The following ST13 variants were observed in gnomAD, a reference collection of about 807,000 sequenced individuals.
ST13 encodes ST13 Hsp70 interacting protein, also known as hsc70-interacting protein.
In ST13, 23 loss-of-function variants were observed where a neutral mutation model predicts 56.7. That is an observed-to-expected ratio of 0.41 (90% confidence interval 0.29 to 0.57). The LOEUF is 0.57. Among genes scored for constraint, ST13 ranks in the 20% least tolerant of loss-of-function variants. The pLI, the probability that ST13 is intolerant of heterozygous loss-of-function variation, is 0.36. For synonymous variants in ST13, 132 were observed against 142.4 expected (o/e 0.93, Z 0.52); for missense variants, 369 against 459.9 (o/e 0.80, Z 1.81).
chr22:40,825,079 A>C lies in ST13; in HGVS notation c.*1459T>G, dbSNP rs1201529401. ...ATTGAAACACTGGTAGAAACGTAGC[A>C]ATGTCAGGTACAATGCCTATACTTA... On this transcript the variant is annotated 3_prime_UTR_variant, in exon 12 of 12. Transcript: ENST00000216218. 1 of 152,166 alleles carries C rather than the reference A, an allele frequency of 6.6e-6. No homozygotes were observed. Among genetic ancestry groups the C allele is most frequent in the Non-Finnish European group, 1.5e-5 (1 of 68,034 alleles). 9.4% of individuals were successfully genotyped at this position (152,166 alleles called of 1,614,324 possible).
intron 4 of ST13, among the ~76,000 whole-genome samples, chr22:40,842,532 G>T (rs2057809429): frequency 6.6e-6 from 1 of 152,150 alleles, no homozygotes; most frequent in Non-Finnish European, 1.5e-5. Flanking sequence ...CAATGGAACA[G>T]ACAAAGCATA....
intron 1 of ST13, among the ~76,000 whole-genome samples, chr22:40,851,513 A>C (rs1471222377): frequency 1.3e-5 from 2 of 152,192 alleles, no homozygotes; most frequent in Non-Finnish European, 2.9e-5. Context: ...TAAGCAAATA[A>C]CTAGAAGAGA....
intron 3 of ST13, 73 bp from the exon 4 acceptor site, chr22:40,844,982 A>T: frequency 1.0e-6 from 1 of 1,001,340 alleles, no homozygotes; most frequent in Non-Finnish European, 1.5e-6. Flanking sequence ...ATTATTAAAA[A>T]CTGACATACT....
At chr22:40,832,697 G>A (rs1237587668) in intron 7 of ST13, 26 bp from the exon 8 acceptor site, 1 of 1,542,690 alleles carries the variant, frequency 6.5e-7, no homozygotes, top group South Asian at 1.1e-5. Context: ...ACTCATTTTA[G>A]GAGCCTTTTA....
At chr22:40,832,449 A>C in intron 8 of ST13, 120 bp downstream of exon 8, 1 of 712,716 alleles carries the variant, frequency 1.4e-6, no homozygotes, top group East Asian at 2.7e-5. Context: ...ATTACAGATT[A>C]TATCTTCCAA....
intron 5 of ST13, 21 bp downstream of exon 5, chr22:40,840,605 T>C: frequency 1.2e-6 from 2 of 1,602,024 alleles, no homozygotes; most frequent in Non-Finnish European, 1.7e-6. Flanking sequence ...ACCATAGAAA[T>C]GTAGCAAAAA....
intron 8 of ST13, chr22:40,832,233 C>G (rs1485926202): frequency 2.1e-6 from 1 of 476,540 alleles, no homozygotes; most frequent in East Asian, 6.7e-5. Context: ...TAAATAAGGA[C>G]ACATCAGATT....
chr22:40,827,215 C>T lies in ST13; in HGVS notation c.862G>A (p.Gly288Arg), dbSNP rs1469013929. 1.2e-6 allele frequency: 2 copies of T among 1,613,640 alleles called. No individual in the cohort carries two copies. The highest frequency in any genetic ancestry group is 1.1e-5 in the South Asian group (1 of 91,058). The change falls in exon 11 of 12, where the codon GGA becomes AGA. Residue 288 changes from glycine (G) to arginine (R), a missense_variant. Coordinates refer to ENST00000216218, the MANE Select transcript of ST13 (RefSeq NM_003932.5). ...CCTCCGGGAAAATTACCAGGCATTC[C>T]CCCAGGAAAGCCACCTGTAATAAAA... is the stretch of plus-strand genomic sequence containing the variant. ...YGSFPGGFPG[G>R]MPGNFPGGMP...
rs775618187 is a variant in ST13 at position 40,856,591 on chromosome 22, C to T, written c.-51G>A. ...GGGGGGCTACGGCCCGGTTCCAGGC[C>T]CAGGCGCTGGCTCGGCGTGACCGCG... is the stretch of plus-strand genomic sequence containing the variant. On this transcript the variant is annotated 5_prime_UTR_variant, in exon 1 of 12. Transcript: ENST00000216218. 6 of 1,515,044 alleles carry T rather than the reference C, an allele frequency of 4.0e-6. No homozygotes were observed. In the South Asian group the frequency reaches 5.6e-5, roughly 14 times the overall value. The allele number at this position is 1,515,044 out of a possible 1,614,324, so 93.9% of individuals were successfully genotyped here.
intron 7 of ST13, among the ~76,000 whole-genome samples, chr22:40,832,950 T>C (rs780050243): frequency 7.9e-5 from 12 of 152,242 alleles, no homozygotes; most frequent in Non-Finnish European, 1.8e-4. Context: ...ATTTTCTAAG[T>C]ATGTAGACCA....
chr22:40,830,324 T>C (rs901947001), intron 9 of ST13, among the ~76,000 whole-genome samples: 2 of 152,192 alleles, frequency 1.3e-5, no homozygotes, highest in African/African-American at 4.8e-5. Context: ...TCAATAATGT[T>C]AGAAATAAGT....
intron 3 of ST13, among the ~76,000 whole-genome samples, chr22:40,845,716 G>GTT (rs2057827433): frequency 6.7e-6 from 1 of 148,784 alleles, no homozygotes; most frequent in African/African-American, 2.6e-5. Context: ...TGGAAAACGA[G>GTT]TTTTATATAT....
chr22:40,853,481 T>G (rs1433400233), intron 1 of ST13, among the ~76,000 whole-genome samples: 2 of 152,228 alleles, frequency 1.3e-5, no homozygotes, highest in African/African-American at 4.8e-5. Flanking sequence ...CTTCCAAGGC[T>G]TAGAACAAGC....
chr22:40,847,442 G>C (rs1235429936), intron 3 of ST13, among the ~76,000 whole-genome samples: 29 of 151,646 alleles, frequency 1.9e-4, no homozygotes, highest in Non-Finnish European at 1.5e-5. Context: ...CCAGCTACTA[G>C]GGAGGCTGAG....
At position 40,856,625 on chromosome 22, in the gene ST13, G is replaced by C. The variant is rs1023446100; in HGVS notation, c.-85C>G. The C allele has an allele frequency of 7.5e-6, 8 of 1,073,068 alleles. No homozygotes were observed. Among genetic ancestry groups the C allele is most frequent in the Non-Finnish European group, 1.1e-5 (8 of 702,214 alleles). 66.5% of individuals were successfully genotyped at this position (1,073,068 alleles called of 1,614,324 possible). On this transcript the variant is annotated 5_prime_UTR_variant, in exon 1 of 12. Transcript: ENST00000216218. ...GGCTCGGCGTGACCGCGCAGAAGGGGGCGGCTGCCGCAAGACAGAACAGAC... is the reference window on the plus strand; with the variant it reads ...GGCTCGGCGTGACCGCGCAGAAGGGCGCGGCTGCCGCAAGACAGAACAGAC...
In ST13 at chr22:40,840,611, A is replaced by T; in HGVS notation, c.382+15T>A. ...ATTCTGACTACCATAGAAATGTAGC[A>T]AAAAGATTACTCACCATCATTTAGG... is the stretch of plus-strand genomic sequence containing the variant. On this transcript the variant is annotated intron_variant, in intron 5 of 11. Coordinates refer to ENST00000216218, the MANE Select transcript of ST13 (RefSeq NM_003932.5). 1 of 1,605,180 alleles carries T rather than the reference A, an allele frequency of 6.2e-7. No homozygotes were observed. Among genetic ancestry groups the T allele is most frequent in the South Asian group, 1.1e-5 (1 of 89,628 alleles).
chr22:40,841,503 A>C (rs919231218), intron 4 of ST13, among the ~76,000 whole-genome samples: 3 of 152,210 alleles, frequency 2.0e-5, no homozygotes, highest in African/African-American at 4.8e-5. Context: ...TGGGAGGCTG[A>C]GGCAGGTAGA....
At chr22:40,847,626 C>G (rs902593613) in intron 3 of ST13, among the ~76,000 whole-genome samples, 1 of 150,388 alleles carries the variant, frequency 6.6e-6, no homozygotes, top group Non-Finnish European at 1.5e-5. Context: ...CCAACTTTTT[C>G]TAATACAAAC....
At chr22:40,849,189 G>A (rs2057848249) in intron 2 of ST13, among the ~76,000 whole-genome samples, 1 of 151,912 alleles carries the variant, frequency 6.6e-6, no homozygotes, top group Non-Finnish European at 1.5e-5. Flanking sequence ...TAAAAAATTA[G>A]AACCAAGGCA....
Sources: allele counts gnomAD v4.1 joint callset (sites outside exome capture counted in the v4.1 genomes callset), GRCh38; gene constraint gnomAD v4.1.1; transcripts MANE v1.5; gene names NCBI Gene and HGNC (gene_info 2026-07-23, HGNC 2026-07-21).